TRPC7: variants seen among roughly 807,000 people sequenced by gnomAD.
The protein encoded by TRPC7 is transient receptor potential cation channel subfamily C member 7.
TRPC7 carries 42 observed loss-of-function variants against 90.1 expected under a neutral mutation model. The ratio of observed to expected loss-of-function variants is 0.47; its 90% CI spans 0.36 to 0.60. The LOEUF (loss-of-function observed/expected upper bound fraction) is 0.60. TRPC7 is among the 20% of genes least tolerant of loss of function. The pLI is 0.00. For synonymous variants in TRPC7, 451 were observed against 436.3 expected, an observed-to-expected ratio of 1.03 and a Z score of -0.42; for missense variants, 955 against 1,112.3, an observed-to-expected ratio of 0.86 and a Z score of 2.01.
At chr5:136,341,466 CAT>C (rs1260709983) in intron 2 of TRPC7, among the ~76,000 whole-genome samples, 4 of 88,668 alleles carry the variant, frequency 4.5e-5, no homozygotes, top group Admixed American at 1.3e-4. Context: ...CATACATATA[CAT>C]ATATATACAC....
At chr5:136,333,241 C>T (rs991608582) in intron 2 of TRPC7, among the ~76,000 whole-genome samples, 2 of 152,028 alleles carry the variant, frequency 1.3e-5, no homozygotes, top group Non-Finnish European at 2.9e-5. Context: ...GGATGTTGCC[C>T]CAGAGGTAAT....
At chr5:136,331,560 A>T (rs981522653) in intron 2 of TRPC7, among the ~76,000 whole-genome samples, 49 of 152,300 alleles carry the variant, frequency 3.2e-4, no homozygotes, top group African/African-American at 1.2e-3. Context: ...ATTCCTGGGG[A>T]AACATTTCTT....
At chr5:136,249,607 A>T (rs1561687162) in intron 6 of TRPC7, among the ~76,000 whole-genome samples, 1 of 152,162 alleles carries the variant, frequency 6.6e-6, no homozygotes, top group Non-Finnish European at 1.5e-5. Flanking sequence ...CTTATAATCT[A>T]CTCAGATAGA....
At chr5:136,361,078 T>A (rs1285702565) in intron 1 of TRPC7, among the ~76,000 whole-genome samples, 1 of 152,154 alleles carries the variant, frequency 6.6e-6, no homozygotes, top group Non-Finnish European at 1.5e-5. Flanking sequence ...TGGCCAAAGC[T>A]TACACTCATG....
intron 3 of TRPC7, among the ~76,000 whole-genome samples, chr5:136,309,668 C>T (rs906074876): frequency 5.3e-5 from 8 of 152,164 alleles, no homozygotes; most frequent in East Asian, 1.9e-4. Flanking sequence ...TTCCCAAAGC[C>T]GAGTGACCCT....
At position 136,249,964 on chromosome 5, in the gene TRPC7, T is replaced by C. The variant is rs111326740; in HGVS notation, c.1579+1685A>G. On this transcript the variant is annotated intron_variant, in intron 6 of 11. Coordinates refer to ENST00000513104, the MANE Select transcript of TRPC7 (RefSeq NM_020389.3). Reference sequence around the variant, plus strand: ...CAAATACAAGAGCAATAACGTACTATGCTTTGGGTTGGGTGAGACCTTAAT... The same window carrying C: ...CAAATACAAGAGCAATAACGTACTACGCTTTGGGTTGGGTGAGACCTTAAT... Among the ~76,000 whole-genome samples, 822 of 152,344 alleles carry C rather than the reference T, an allele frequency of 5.4e-3. 7 individuals carry two copies. Among genetic ancestry groups the C allele is most frequent in the African/African-American group, 0.012 (499 of 41,588 alleles).
At chr5:136,273,852 G>A (rs561296779) in intron 4 of TRPC7, among the ~76,000 whole-genome samples, 20 of 152,146 alleles carry the variant, frequency 1.3e-4, no homozygotes, top group Non-Finnish European at 2.5e-4. Flanking sequence ...GCATGGTTTG[G>A]TCTTAAAAGC....
chr5:136,315,907 T>C (rs1265557715), intron 2 of TRPC7, 128 bp from the exon 3 acceptor site: 1 of 907,380 alleles, frequency 1.1e-6, no homozygotes, highest in Non-Finnish European at 1.7e-6. Flanking sequence ...GATGCACTTA[T>C]GGAACGCAGC....
chr5:136,343,681 T>G (rs2149853859), intron 2 of TRPC7, among the ~76,000 whole-genome samples: 1 of 152,316 alleles, frequency 6.6e-6, no homozygotes. Context: ...CTTTGTTAAA[T>G]AAATTTATGT....
chr5:136,253,420 T>A (rs1409614909), intron 5 of TRPC7, among the ~76,000 whole-genome samples: 1 of 152,240 alleles, frequency 6.6e-6, no homozygotes, highest in Non-Finnish European at 1.5e-5. Context: ...CAACCTTGTG[T>A]TGGGAAAGTC....
At chr5:136,306,774 C>T (rs377094105) in intron 3 of TRPC7, among the ~76,000 whole-genome samples, 18 of 152,240 alleles carry the variant, frequency 1.2e-4, no homozygotes, top group African/African-American at 4.3e-4. Flanking sequence ...TTGTAATCTC[C>T]CCCACCCTTA....
intron 5 of TRPC7, among the ~76,000 whole-genome samples, chr5:136,257,759 C>G (rs1160919925): frequency 2.0e-5 from 3 of 152,178 alleles, no homozygotes; most frequent in Non-Finnish European, 1.5e-5. Context: ...TCATCTGTGA[C>G]TGTGCAACCG....
intron 8 of TRPC7, among the ~76,000 whole-genome samples, chr5:136,230,817 A>G (rs1345043913): frequency 6.6e-6 from 1 of 152,046 alleles, no homozygotes; most frequent in African/African-American, 2.4e-5. Flanking sequence ...CCCCATAGTC[A>G]ATCTCTGTCT....
In TRPC7 at chr5:136,365,424, CT is replaced by C; in HGVS notation, c.-171del. 1.5e-6 allele frequency: 1 copy of C among 687,996 alleles called. No individual in the cohort carries two copies. The highest frequency in any genetic ancestry group is 2.5e-6 in the Non-Finnish European group (1 of 399,016). 42.6% of individuals were successfully genotyped at this position (687,996 alleles called of 1,614,324 possible). A position where few individuals can be genotyped will look rare whatever the true frequency, so the allele number is the denominator to read the frequency against. ...GTTGCAACGATGTGAAAGCGCGCTC[CT>C]CTGTTCTTTGTGTTGCAGTGGTAAA... On this transcript the variant is annotated 5_prime_UTR_variant, in exon 1 of 12. Coordinates refer to ENST00000513104, the MANE Select transcript of TRPC7 (RefSeq NM_020389.3).
At chr5:136,240,383 G>A (rs1052692725) in intron 7 of TRPC7, among the ~76,000 whole-genome samples, 4 of 152,208 alleles carry the variant, frequency 2.6e-5, no homozygotes, top group Admixed American at 1.3e-4. Context: ...CCTAGGAACA[G>A]AATTGTCTTA....
intron 11 of TRPC7, 98 bp downstream of exon 11, chr5:136,216,102 A>T: frequency 6.1e-6 from 6 of 977,772 alleles, no homozygotes; most frequent in Non-Finnish European, 9.5e-6. Flanking sequence ...TCTGGAAAGG[A>T]GCACAGTGCC....
In TRPC7 at chr5:136,213,486, T is replaced by C. The variant is rs1302667631; in HGVS notation, c.2538A>G (p.Gly846=). The C allele has an allele frequency of 1.9e-6, 3 of 1,613,910 alleles. No individual in the cohort carries two copies. Among genetic ancestry groups the C allele is most frequent in the Non-Finnish European group, 2.5e-6 (3 of 1,179,900 alleles). ...DLIQQLSEKF[G]KNLNKDHLRV... Reference sequence around the variant, plus strand: ...TCAGGTGGTCTTTGTTTAAGTTCTTTCCAAACTTCTCGCTGAGTTGTTGAA... The same window carrying C: ...TCAGGTGGTCTTTGTTTAAGTTCTTCCCAAACTTCTCGCTGAGTTGTTGAA... Residue 846 remains glycine (G), a synonymous_variant, in exon 12 of 12, where the codon GGA becomes GGG. Transcript: ENST00000513104.
intron 3 of TRPC7, among the ~76,000 whole-genome samples, chr5:136,301,605 T>C (rs1363647105): frequency 6.6e-6 from 1 of 152,182 alleles, no homozygotes; most frequent in Non-Finnish European, 1.5e-5. Context: ...AAGAAGGTTC[T>C]TTGTAATTCT....
At chr5:136,306,378 C>T (rs573055306) in intron 3 of TRPC7, among the ~76,000 whole-genome samples, 15 of 152,192 alleles carry the variant, frequency 9.9e-5, no homozygotes, top group Non-Finnish European at 1.8e-4. Flanking sequence ...ACAATATCAC[C>T]CTTTACCACA....
Sources: gnomAD v4.1 joint callset for allele counts (sites outside exome capture counted in the v4.1 genomes callset) on GRCh38, gnomAD v4.1.1 for gene constraint, MANE v1.5 for transcripts, NCBI Gene and HGNC (gene_info 2026-07-23, HGNC 2026-07-21) for gene names.